Variants in COL8A1 observed in about 807,000 individuals in gnomAD.
COL8A1 encodes the protein collagen alpha-1(VIII) chain.
A neutral mutation model predicts 42.7 loss-of-function variants in COL8A1; 21 were observed. The observed-to-expected ratio is 0.49, with a 90% CI of 0.35 to 0.71. COL8A1 has a LOEUF of 0.71. Ranked by LOEUF, COL8A1 falls within the 30% of genes least tolerant of loss-of-function variation. The pLI, the probability that COL8A1 is intolerant of heterozygous loss-of-function variation, is 0.01. For synonymous variants in COL8A1, 367 were observed against 369.1 expected (o/e 0.99, Z 0.06); for missense variants, 788 against 962.4 (o/e 0.82, Z 2.40).
At chr3:99,714,192 C>T (rs145598282) in intron 1 of COL8A1, among the ~76,000 whole-genome samples, 2 of 152,212 alleles carry the variant, frequency 1.3e-5, no homozygotes, top group African/African-American at 4.8e-5. Flanking sequence ...ACAATTGTGG[C>T]TGTAATGCAA....
At chr3:99,702,869 T>G (rs987928794) in intron 1 of COL8A1, among the ~76,000 whole-genome samples, 2 of 152,172 alleles carry the variant, frequency 1.3e-5, no homozygotes, top group African/African-American at 2.4e-5. Flanking sequence ...GAGTTGCTTT[T>G]TTATAGACAT....
chr3:99,718,871 T>G (rs1374533336), intron 1 of COL8A1, among the ~76,000 whole-genome samples: 2 of 152,102 alleles, frequency 1.3e-5, no homozygotes, highest in Non-Finnish European at 2.9e-5. Flanking sequence ...TATTCCAGCT[T>G]CATCTTATTT....
At chr3:99,675,874 A>G (rs940854255) in intron 1 of COL8A1, among the ~76,000 whole-genome samples, 1 of 152,072 alleles carries the variant, frequency 6.6e-6, no homozygotes, top group African/African-American at 2.4e-5. Context: ...CATAGAGATA[A>G]AAAAGAGTGT....
At chr3:99,712,363 T>C (rs1438448699) in intron 1 of COL8A1, among the ~76,000 whole-genome samples, 1 of 152,042 alleles carries the variant, frequency 6.6e-6, no homozygotes, top group Non-Finnish European at 1.5e-5. Context: ...CTGATTTGTT[T>C]AAAATTGAGG....
chr3:99,754,905 A>G (rs1479126350), intron 2 of COL8A1, among the ~76,000 whole-genome samples: 3 of 152,236 alleles, frequency 2.0e-5, no homozygotes, highest in Non-Finnish European at 4.4e-5. Context: ...GTATATGTGT[A>G]ACATGCTAAG....
intron 2 of COL8A1, among the ~76,000 whole-genome samples, chr3:99,750,201 T>G (rs1941116835): frequency 6.6e-6 from 1 of 151,790 alleles, no homozygotes; most frequent in South Asian, 2.1e-4. Context: ...GAACTACAGG[T>G]GCACACCACC....
chr3:99,730,265 C>T (rs1940462681), intron 1 of COL8A1, among the ~76,000 whole-genome samples: 1 of 152,056 alleles, frequency 6.6e-6, no homozygotes, highest in Non-Finnish European at 1.5e-5. Context: ...ATATGTGTTT[C>T]CTCTTCCTTC....
chr3:99,682,706 ATCTCCGTTAAGC>A (rs1421601847), intron 1 of COL8A1, among the ~76,000 whole-genome samples: 10 of 152,016 alleles, frequency 6.6e-5, no homozygotes, highest in Non-Finnish European at 1.3e-4. Context: ...GACCTCAGGC[ATCTCCGTTAAGC>A]TCTCCAATGC....
intron 2 of COL8A1, among the ~76,000 whole-genome samples, chr3:99,786,610 G>A (rs1941901540): frequency 6.6e-6 from 1 of 152,078 alleles, no homozygotes; most frequent in Admixed American, 6.6e-5. Context: ...CACCTGCATT[G>A]CTTTTTCAAA....
At chr3:99,654,376 C>T (rs1448565057) in intron 1 of COL8A1, among the ~76,000 whole-genome samples, 1 of 152,178 alleles carries the variant, frequency 6.6e-6, no homozygotes, top group Non-Finnish European at 1.5e-5. Context: ...TCAATATTAA[C>T]TATCACAATT....
intron 1 of COL8A1, among the ~76,000 whole-genome samples, chr3:99,697,918 C>T (rs1254564630): frequency 2.6e-5 from 4 of 152,126 alleles, no homozygotes. Flanking sequence ...CTGCACCCAT[C>T]AACTCGTCAT....
At chr3:99,736,883 CAT>C (rs1269945498) in intron 1 of COL8A1, among the ~76,000 whole-genome samples, 3 of 152,028 alleles carry the variant, frequency 2.0e-5, no homozygotes, top group African/African-American at 7.3e-5. Flanking sequence ...CTTTGTAGGT[CAT>C]TCAGGACTTG....
intron 3 of COL8A1, 83 bp downstream of exon 3, chr3:99,791,093 T>G: frequency 8.0e-7 from 1 of 1,250,838 alleles, no homozygotes; most frequent in Non-Finnish European, 1.1e-6. Context: ...AGATAAATTT[T>G]AGAAGCTTTA....
chr3:99,715,783 A>C (rs2107362659), intron 1 of COL8A1, among the ~76,000 whole-genome samples: 1 of 152,070 alleles, frequency 6.6e-6, no homozygotes, highest in South Asian at 2.1e-4. Flanking sequence ...CCTCGAAATG[A>C]ATGATTTTAT....
intron 1 of COL8A1, among the ~76,000 whole-genome samples, chr3:99,673,298 G>T (rs189034040): frequency 6.6e-6 from 1 of 152,098 alleles, no homozygotes; most frequent in Admixed American, 6.6e-5. Flanking sequence ...TTACTTTGAT[G>T]CCAAAATGTG....
intron 2 of COL8A1, among the ~76,000 whole-genome samples, chr3:99,763,900 TG>T (rs1271090410): frequency 6.6e-6 from 1 of 152,172 alleles, no homozygotes; most frequent in Non-Finnish European, 1.5e-5. Context: ...TGCTTTCACC[TG>T]GGGTGATCTA....
chr3:99,653,715 C>G (rs1009704517), intron 1 of COL8A1, among the ~76,000 whole-genome samples: 1 of 150,530 alleles, frequency 6.6e-6, no homozygotes, highest in Non-Finnish European at 1.5e-5. Flanking sequence ...CTACAACACT[C>G]TCCTTGAGGC....
intron 1 of COL8A1, among the ~76,000 whole-genome samples, chr3:99,736,069 T>C (rs1301911374): frequency 1.3e-5 from 2 of 152,142 alleles, no homozygotes; most frequent in African/African-American, 4.8e-5. Flanking sequence ...TTGCTAGCGG[T>C]CTATCAATTT....
At chr3:99,755,563 GAAGAAAAATCAAAT>G (rs1184270386) in intron 2 of COL8A1, among the ~76,000 whole-genome samples, 3 of 152,180 alleles carry the variant, frequency 2.0e-5, no homozygotes, top group Non-Finnish European at 4.4e-5. Flanking sequence ...TGTTGATCAT[GAAGAAAAATCAAAT>G]AAGGGAAAGG....
Sources: gnomAD v4.1 joint callset for allele counts (sites outside exome capture counted in the v4.1 genomes callset) on GRCh38, gnomAD v4.1.1 for gene constraint, MANE v1.5 for transcripts, NCBI Gene and HGNC (gene_info 2026-07-23, HGNC 2026-07-21) for gene names.